OPCML: variants seen among roughly 807,000 people sequenced by gnomAD.
OPCML encodes the protein opioid binding protein/cell adhesion molecule like.
A neutral mutation model predicts 37.8 loss-of-function variants in OPCML; 13 were observed. That is an observed-to-expected ratio of 0.34 (90% CI 0.22 to 0.55). The LOEUF is 0.55. OPCML is among the 20% of genes least tolerant of loss of function. The pLI, the probability that OPCML is intolerant of heterozygous loss-of-function variation, is 0.91. For synonymous variants in OPCML, 176 were observed against 168.8 expected, an observed-to-expected ratio of 1.04 and a Z score of -0.33; for missense variants, 341 against 435.6, an observed-to-expected ratio of 0.78 and a Z score of 1.93.
chr11:132,488,056 G>T (rs1046867792), intron 4 of OPCML, among the ~76,000 whole-genome samples: 72 of 152,280 alleles, frequency 4.7e-4, no homozygotes, highest in African/African-American at 2.2e-4. Context: ...GTGCCTCTTT[G>T]CATTTGATGC....
rs190438515 is a variant in OPCML, at chr11:133,079,261, G to T, written c.62-136251C>A. 1.1e-4 allele frequency among the ~76,000 whole-genome samples: 16 copies of T among 152,248 alleles called. No homozygotes were observed. In the East Asian group the frequency reaches 2.7e-3, roughly 26 times the overall value. ...TTCAACTGAACAGAAGGCAAGAATG[G>T]ATCCATGGAGCACACAGCCTCACAG... On this transcript the variant is annotated intron_variant, in intron 1 of 7. Transcript: ENST00000524381.
chr11:132,881,571 T>G (rs1943225538), intron 2 of OPCML, among the ~76,000 whole-genome samples: 2 of 151,902 alleles, frequency 1.3e-5, no homozygotes, highest in African/African-American at 4.8e-5. Context: ...TCTACGGTTT[T>G]AGGGCCAGGC....
chr11:132,825,565 G>C (rs918130075), intron 2 of OPCML, among the ~76,000 whole-genome samples: 3 of 152,124 alleles, frequency 2.0e-5, no homozygotes, highest in African/African-American at 7.2e-5. Context: ...AAAGTAACCA[G>C]GTCTGGCACG....
chr11:133,011,505 G>C (rs148631579), intron 1 of OPCML, among the ~76,000 whole-genome samples: 1 of 152,178 alleles, frequency 6.6e-6, no homozygotes, highest in African/African-American at 2.4e-5. Context: ...GAGTTGACAT[G>C]CTATAAAACT....
intron 1 of OPCML, among the ~76,000 whole-genome samples, chr11:133,281,365 T>C (rs1942149858): frequency 6.6e-6 from 1 of 152,058 alleles, no homozygotes; most frequent in South Asian, 2.1e-4. Context: ...TCTGGTTGTT[T>C]AAAAGAGTGT....
At chr11:133,008,354 A>G (rs1947152195) in intron 1 of OPCML, 12 of 985,266 alleles carry the variant, frequency 1.2e-5, no homozygotes, top group Non-Finnish European at 1.4e-5. Flanking sequence ...TGAAAGGAAT[A>G]TGTTCCTTCA....
intron 5 of OPCML, 40 bp from the exon 6 acceptor site, chr11:132,436,819 G>T (rs764015633): frequency 2.5e-6 from 4 of 1,599,430 alleles, no homozygotes; most frequent in Non-Finnish European, 3.4e-6. Flanking sequence ...AGGCATGCAC[G>T]CACGCACACA....
At chr11:133,429,245 G>A (rs1357228828) in intron 1 of OPCML, among the ~76,000 whole-genome samples, 3 of 152,158 alleles carry the variant, frequency 2.0e-5, no homozygotes, top group Non-Finnish European at 4.4e-5. Flanking sequence ...AAGCCACTGA[G>A]GTGGGAACCA....
intron 1 of OPCML, among the ~76,000 whole-genome samples, chr11:133,452,167 C>T (rs1445409406): frequency 1.3e-5 from 2 of 151,250 alleles, no homozygotes; most frequent in Non-Finnish European, 2.9e-5. Context: ...GAAGACCAAC[C>T]CCAAGACAAC....
chr11:132,669,477 A>C (rs1291912558), intron 2 of OPCML, among the ~76,000 whole-genome samples: 1 of 152,182 alleles, frequency 6.6e-6, no homozygotes, highest in Non-Finnish European at 1.5e-5. Context: ...CTAGTGAAGC[A>C]GTTTTTTGGA....
At chr11:132,910,087 C>T (rs182685878) in intron 2 of OPCML, among the ~76,000 whole-genome samples, 29 of 152,246 alleles carry the variant, frequency 1.9e-4, no homozygotes, top group African/African-American at 3.6e-4. Flanking sequence ...AAATAGAAAC[C>T]TTTCCTGCAT....
At chr11:133,185,060 T>A (rs1250295596) in intron 1 of OPCML, among the ~76,000 whole-genome samples, 1 of 152,176 alleles carries the variant, frequency 6.6e-6, no homozygotes, top group Admixed American at 6.5e-5. Flanking sequence ...CCAACCCAGC[T>A]TTCAAACCTC....
At chr11:132,768,116 C>T (rs1377195825) in intron 2 of OPCML, among the ~76,000 whole-genome samples, 1 of 152,166 alleles carries the variant, frequency 6.6e-6, no homozygotes, top group African/African-American at 2.4e-5. Context: ...AAGTCTTCTC[C>T]ATGGCTGCTT....
chr11:132,565,762 G>A (rs1385556072), intron 3 of OPCML, among the ~76,000 whole-genome samples: 1 of 152,212 alleles, frequency 6.6e-6, no homozygotes, highest in African/African-American at 2.4e-5. Context: ...ACTGGGCACG[G>A]TGGCTCAAGC....
chr11:132,617,292 T>A (rs1433764734), intron 3 of OPCML, among the ~76,000 whole-genome samples: 1 of 152,300 alleles, frequency 6.6e-6, no homozygotes, highest in South Asian at 2.1e-4. Context: ...GAACATATAT[T>A]CACAAAACAA....
chr11:132,802,782 G>A (rs1267106859), intron 2 of OPCML, among the ~76,000 whole-genome samples: 2 of 152,110 alleles, frequency 1.3e-5, no homozygotes, highest in African/African-American at 4.8e-5. Flanking sequence ...CAGGGCCATA[G>A]TAGAGCAAAA....
At chr11:133,183,447 A>C (rs1937930606) in intron 1 of OPCML, among the ~76,000 whole-genome samples, 1 of 152,258 alleles carries the variant, frequency 6.6e-6, no homozygotes, top group African/African-American at 2.4e-5. Flanking sequence ...GCAGAATTCC[A>C]AGCTGAGAAA....
At chr11:132,776,836 G>A (rs191262455) in intron 2 of OPCML, among the ~76,000 whole-genome samples, 12 of 152,252 alleles carry the variant, frequency 7.9e-5, no homozygotes, top group Middle Eastern at 3.4e-3. Flanking sequence ...AAGCAGCTAT[G>A]GAGCCAGCCT....
At chr11:132,446,159 T>C (rs1039480889) in intron 4 of OPCML, among the ~76,000 whole-genome samples, 17 of 123,540 alleles carry the variant, frequency 1.4e-4, no homozygotes, top group African/African-American at 5.3e-4. Context: ...GTGGGAAGAA[T>C]CAAGACACAA....
Sources: gnomAD v4.1 joint callset for allele counts (sites outside exome capture counted in the v4.1 genomes callset) on GRCh38, gnomAD v4.1.1 for gene constraint, MANE v1.5 for transcripts, NCBI Gene and HGNC (gene_info 2026-07-23, HGNC 2026-07-21) for gene names.